The following FOXP2 variants were observed in gnomAD, a reference collection of about 807,000 sequenced individuals.
FOXP2 encodes forkhead box protein P2.
FOXP2 carries 12 observed loss-of-function variants against 115.8 expected under a neutral mutation model. The observed-to-expected ratio is 0.10, with a 90% CI of 0.07 to 0.17. The LOEUF is 0.17. Ranked by LOEUF, FOXP2 falls within the 10% of genes least tolerant of loss-of-function variation. The pLI is 1.00. For synonymous variants in FOXP2, 328 were observed against 297.7 expected, an observed-to-expected ratio of 1.10 and a Z score of -1.05; for missense variants, 629 against 843.5, an observed-to-expected ratio of 0.75 and a Z score of 3.15.
intron 2 of FOXP2, among the ~76,000 whole-genome samples, chr7:114,370,576 C>A (rs181061330): frequency 6.6e-6 from 1 of 152,092 alleles, no homozygotes; most frequent in Non-Finnish European, 1.5e-5. Flanking sequence ...ACATGTAAAG[C>A]AAGAGAACAT....
chr7:114,151,017 A>C (rs1792514340), intron 1 of FOXP2, among the ~76,000 whole-genome samples: 1 of 152,052 alleles, frequency 6.6e-6, no homozygotes, highest in African/African-American at 2.4e-5. Flanking sequence ...AAAGCTTTGA[A>C]GGGGTCATAA....
intron 2 of FOXP2, among the ~76,000 whole-genome samples, chr7:114,478,937 T>A (rs985905346): frequency 2.3e-4 from 35 of 151,688 alleles, no homozygotes; most frequent in Non-Finnish European, 2.4e-4. Flanking sequence ...ACATCACTAT[T>A]TCAAAATTAT....
chr7:114,216,236 G>A (rs1021171598), intron 1 of FOXP2, among the ~76,000 whole-genome samples: 4 of 152,104 alleles, frequency 2.6e-5, no homozygotes, highest in East Asian at 1.9e-4. Context: ...CATGTGCGGC[G>A]AAAGGAATAG....
intron 1 of FOXP2, among the ~76,000 whole-genome samples, chr7:114,107,628 T>G (rs559654437): frequency 6.6e-6 from 1 of 152,094 alleles, no homozygotes; most frequent in African/African-American, 2.4e-5. Context: ...AAGAAAGGTT[T>G]GGCAAGTGAT....
intron 2 of FOXP2, among the ~76,000 whole-genome samples, chr7:114,296,637 A>G (rs1157312056): frequency 6.6e-6 from 1 of 152,200 alleles, no homozygotes; most frequent in Non-Finnish European, 1.5e-5. Context: ...TGAACTTACA[A>G]TAGCATATAA....
At position 114,355,848 on chromosome 7, in the gene FOXP2, G is replaced by A. The variant is rs192520974; in HGVS notation, c.-11+67739G>A. On this transcript the variant is annotated intron_variant, in intron 2 of 17. Coordinates refer to the FOXP2 transcript ENST00000634411. ...CGCTTTCATACGTGGTTCTCCTAGC[G>A]TCCTAGGCTCCCTACTTTGTTATTT... Among the ~76,000 whole-genome samples the A allele has an allele frequency of 5.3e-4, 81 of 152,180 alleles. 1 individual carries two copies. The East Asian group carries it at 9.9e-3, about 19-fold the overall frequency.
At chr7:114,288,009 CTAT>C (rs570156197) in intron 1 of FOXP2, 25 of 445,350 alleles carry the variant, frequency 5.6e-5, no homozygotes, top group African/African-American at 4.6e-4. Context: ...TTATTTGTCT[CTAT>C]TAACAGGTCT....
At chr7:114,199,729 T>C (rs1303853025) in intron 1 of FOXP2, among the ~76,000 whole-genome samples, 1 of 152,240 alleles carries the variant, frequency 6.6e-6, no homozygotes, top group Non-Finnish European at 1.5e-5. Flanking sequence ...ATTAATGGGA[T>C]GACTATAAAA....
At chr7:114,576,416 T>C (rs1801579668) in intron 3 of FOXP2, among the ~76,000 whole-genome samples, 1 of 151,886 alleles carries the variant, frequency 6.6e-6, no homozygotes, top group Non-Finnish European at 1.5e-5. Context: ...TTCCCAAGAA[T>C]ATTCTTGATG....
At chr7:114,187,704 C>T (rs573520412) in intron 1 of FOXP2, among the ~76,000 whole-genome samples, 4 of 152,162 alleles carry the variant, frequency 2.6e-5, no homozygotes, top group Non-Finnish European at 5.9e-5. Flanking sequence ...ATAGTAACAA[C>T]CCCATTCGTG....
chr7:114,341,844 A>G (rs1237614863), intron 2 of FOXP2, among the ~76,000 whole-genome samples: 1 of 151,380 alleles, frequency 6.6e-6, no homozygotes, highest in Admixed American at 6.6e-5. Flanking sequence ...GACATTTTAT[A>G]GTCTGCTCAT....
chr7:114,591,988 G>T (rs1361675313), intron 3 of FOXP2, among the ~76,000 whole-genome samples: 1 of 152,078 alleles, frequency 6.6e-6, no homozygotes, highest in East Asian at 1.9e-4. Flanking sequence ...AACTTAAAAA[G>T]CCATGTGTGG....
At chr7:114,397,388 A>C (rs1318632654) in intron 2 of FOXP2, among the ~76,000 whole-genome samples, 1 of 152,166 alleles carries the variant, frequency 6.6e-6, no homozygotes, top group Non-Finnish European at 1.5e-5. Flanking sequence ...AGAAAGCAAC[A>C]GACAATAAAC....
chr7:114,358,495 G>A (rs1317372373), intron 2 of FOXP2, among the ~76,000 whole-genome samples: 1 of 152,130 alleles, frequency 6.6e-6, no homozygotes, highest in Non-Finnish European at 1.5e-5. Context: ...GGAAAATGTG[G>A]GAAAGTTTGG....
intron 2 of FOXP2, among the ~76,000 whole-genome samples, chr7:114,467,819 G>A (rs2129228374): frequency 6.6e-6 from 1 of 152,230 alleles, no homozygotes; most frequent in South Asian, 2.1e-4. Context: ...AGAAAGCATT[G>A]ACATTTGGAG....
intron 2 of FOXP2, among the ~76,000 whole-genome samples, chr7:114,447,513 T>C (rs1794887544): frequency 6.6e-6 from 1 of 152,112 alleles, no homozygotes; most frequent in Admixed American, 6.6e-5. Context: ...ATTGAACCTT[T>C]TTCTGCAATT....
At chr7:114,468,518 C>A (rs994299597) in intron 2 of FOXP2, among the ~76,000 whole-genome samples, 10 of 152,094 alleles carry the variant, frequency 6.6e-5, no homozygotes, top group Admixed American at 4.6e-4. Context: ...TGGCTCATAA[C>A]TTAATCTCTA....
At chr7:114,538,208 T>C in intron 3 of FOXP2, 1 of 618,888 alleles carries the variant, frequency 1.6e-6, no homozygotes, top group Admixed American at 2.4e-5. Flanking sequence ...TTCCATAATC[T>C]GTAAATTTAA....
chr7:114,641,777 G>GTATTTATT (rs964386599), intron 6 of FOXP2, among the ~76,000 whole-genome samples: 1 of 151,414 alleles, frequency 6.6e-6, no homozygotes, highest in Non-Finnish European at 1.5e-5. Context: ...ATTTTTATTT[G>GTATTTATT]TATTTATTTA....
Sources: allele counts gnomAD v4.1 joint callset (sites outside exome capture counted in the v4.1 genomes callset), GRCh38; gene constraint gnomAD v4.1.1; transcripts MANE v1.5; gene names NCBI Gene and HGNC (gene_info 2026-07-23, HGNC 2026-07-21).